PDE4D: variants seen among roughly 807,000 people sequenced by gnomAD.
PDE4D encodes the protein phosphodiesterase 4D.
A neutral mutation model predicts 87.4 loss-of-function variants in PDE4D; 24 were observed. The observed-to-expected ratio is 0.27, with a 90% CI of 0.20 to 0.39. The LOEUF (loss-of-function observed/expected upper bound fraction) is 0.39. PDE4D is among the 10% of genes least tolerant of loss of function. PDE4D has a pLI of 1.00. For missense variants in PDE4D, 714 were observed against 1,041.0 expected, an observed-to-expected ratio of 0.69 and a Z score of 4.32; for synonymous variants, 384 against 383.2, an observed-to-expected ratio of 1.00 and a Z score of -0.02.
At chr5:59,079,604 T>C (rs1161500559) in intron 5 of PDE4D, among the ~76,000 whole-genome samples, 4 of 151,784 alleles carry the variant, frequency 2.6e-5, no homozygotes, top group African/African-American at 4.8e-5. Context: ...GGCCAGAGAA[T>C]TGCTTGAGGC....
chr5:60,364,394 T>C (rs1034987155), intron 1 of PDE4D, among the ~76,000 whole-genome samples: 2 of 152,208 alleles, frequency 1.3e-5, no homozygotes, highest in Admixed American at 6.5e-5. Context: ...CTAGCAATTA[T>C]GTGGATCTTT....
chr5:59,783,575 G>T (rs1417463701), intron 1 of PDE4D, among the ~76,000 whole-genome samples: 2 of 151,984 alleles, frequency 1.3e-5, no homozygotes, highest in Non-Finnish European at 2.9e-5. Flanking sequence ...CCTTCCTCAG[G>T]CTCCTGTACC....
chr5:59,079,848 G>GGAGAGGAGAGGAGT (rs1561447222), intron 5 of PDE4D, among the ~76,000 whole-genome samples: 1 of 97,910 alleles, frequency 1.0e-5, no homozygotes, highest in South Asian at 3.7e-4. Flanking sequence ...GGGAGAGGAG[G>GGAGAGGAGAGGAGT]GGAGAGGAGA....
rs778435667 is a variant in PDE4D, at chr5:59,989,111, TATATACAC to T, written c.43-402_43-395del. On this transcript the variant is annotated intron_variant, in intron 2 of 16. Transcript: ENST00000502484. Reference sequence around the variant, plus strand: ...TCATATATATATATATATATATATATATATACACACACACACATACAGTTATGCATCAC... The same window carrying T: ...TCATATATATATATATATATATATATACACACACATACAGTTATGCATCAC... 2.2e-3 allele frequency among the ~76,000 whole-genome samples: 213 copies of T among 97,726 alleles called. 1 individual carries two copies. The highest frequency in any genetic ancestry group is 0.01 in the Admixed American group (95 of 9,314). 64.1% of individuals were successfully genotyped at this position (97,726 alleles called of 152,430 possible).
intron 5 of PDE4D, among the ~76,000 whole-genome samples, chr5:59,107,182 T>C (rs1051620355): frequency 2.0e-5 from 3 of 152,134 alleles, no homozygotes; most frequent in Admixed American, 1.3e-4. Flanking sequence ...CATAATGCTA[T>C]GAGAGTGCTG....
intron 1 of PDE4D, chr5:60,262,303 T>C (rs1749724594): frequency 6.6e-6 from 1 of 152,174 alleles, no homozygotes; most frequent in Admixed American, 6.6e-5. Flanking sequence ...CAAAAGACCT[T>C]GGGCAAACAT....
At chr5:60,298,654 A>G (rs1480576758) in intron 1 of PDE4D, among the ~76,000 whole-genome samples, 1 of 152,164 alleles carries the variant, frequency 6.6e-6, no homozygotes, top group African/African-American at 2.4e-5. Flanking sequence ...TTTCTCTACT[A>G]AGAACGATTT....
chr5:59,561,759 G>A (rs193292956), intron 1 of PDE4D, among the ~76,000 whole-genome samples: 159 of 151,578 alleles, frequency 1.0e-3, no homozygotes, highest in South Asian at 2.5e-3. Context: ...GCAAAAACCC[G>A]TCTCTACTAA....
chr5:59,978,751 T>C (rs920908227), intron 3 of PDE4D, among the ~76,000 whole-genome samples: 4 of 152,200 alleles, frequency 2.6e-5, no homozygotes, highest in Non-Finnish European at 4.4e-5. Context: ...GAGGAATCAA[T>C]GGATGTGGCA....
intron 12 of PDE4D, 83 bp downstream of exon 12, chr5:58,977,107 AC>A: frequency 4.0e-6 from 5 of 1,259,302 alleles, no homozygotes; most frequent in Non-Finnish European, 5.6e-6. Context: ...AGTTCCTTTT[AC>A]CTAATACTCA....
chr5:59,994,732 T>G (rs974199586), intron 2 of PDE4D, among the ~76,000 whole-genome samples: 2 of 152,260 alleles, frequency 1.3e-5, no homozygotes, highest in South Asian at 2.1e-4. Context: ...ACACTTAATT[T>G]GGGGTACACG....
At chr5:59,771,487 G>GAAAGAA (rs56311802) in intron 1 of PDE4D, among the ~76,000 whole-genome samples, 681 of 57,986 alleles carry the variant, frequency 0.012, 5 homozygotes, top group Non-Finnish European at 0.018. Flanking sequence ...GAAAGAAAGA[G>GAAAGAA]AGAGAGAGAG....
intron 1 of PDE4D, among the ~76,000 whole-genome samples, chr5:59,686,038 C>T (rs1159043138): frequency 6.6e-6 from 1 of 152,086 alleles, no homozygotes; most frequent in Non-Finnish European, 1.5e-5. Context: ...GCATCTGTTC[C>T]CCTCACCATT....
rs150548471 is a variant in PDE4D, at chr5:60,003,017, C to A, written c.43-14300G>T. On this transcript the variant is annotated intron_variant, in intron 2 of 16. Coordinates refer to the PDE4D transcript ENST00000502484. ...TTAAAAAAAAACTCTAAAGACTTCACTAAAAAACTGTCATAATTAAGAAAA... is the reference window on the plus strand; with the variant it reads ...TTAAAAAAAAACTCTAAAGACTTCAATAAAAAACTGTCATAATTAAGAAAA... Among the ~76,000 whole-genome samples, 637 of 152,182 alleles carry A rather than the reference C, an allele frequency of 4.2e-3. 4 individuals are homozygous for A. Among genetic ancestry groups the A allele is most frequent in the African/African-American group, 0.014 (600 of 41,544 alleles).
intron 1 of PDE4D, among the ~76,000 whole-genome samples, chr5:59,602,348 T>C (rs935240591): frequency 4.6e-5 from 7 of 152,054 alleles, no homozygotes; most frequent in Non-Finnish European, 1.0e-4. Flanking sequence ...GCTTTTCCTT[T>C]AAGATCCAGA....
chr5:60,161,364 C>T (rs1298098349), intron 2 of PDE4D, among the ~76,000 whole-genome samples: 1 of 152,086 alleles, frequency 6.6e-6, no homozygotes, highest in African/African-American at 2.4e-5. Flanking sequence ...CCCCTTCTTC[C>T]TCACCATCCA....
At position 59,275,324 on chromosome 5, in the gene PDE4D, G is replaced by GAA. The variant is rs780328582; in HGVS notation, c.456-59358_456-59357dup. ...AAGAGAAAAGGGGAAAAGCATGAGA[G>GAA]AAAAGAACGTTACCAAACTGCCTCT... On this transcript the variant is annotated intron_variant, in intron 1 of 14. Coordinates refer to ENST00000340635, the MANE Select transcript of PDE4D (RefSeq NM_001104631.2). 17 of 1,588,216 alleles carry GAA rather than the reference G, an allele frequency of 1.1e-5. No homozygotes were observed. The African/African-American group carries it at 2.1e-4, about 20-fold the overall frequency.
chr5:59,946,069 T>G (rs981168710), intron 3 of PDE4D, among the ~76,000 whole-genome samples: 2 of 152,216 alleles, frequency 1.3e-5, no homozygotes. Context: ...CAGATCATAA[T>G]GTGTGGTCTC....
At chr5:60,013,423 T>G (rs568726489) in intron 2 of PDE4D, among the ~76,000 whole-genome samples, 17 of 152,286 alleles carry the variant, frequency 1.1e-4, no homozygotes, top group African/African-American at 3.8e-4. Context: ...AAGTACACCA[T>G]TAAAACATAG....
Sources: allele counts gnomAD v4.1 joint callset (sites outside exome capture counted in the v4.1 genomes callset), GRCh38; gene constraint gnomAD v4.1.1; transcripts MANE v1.5; gene names NCBI Gene and HGNC (gene_info 2026-07-23, HGNC 2026-07-21).